Variants in STOX2 observed in about 807,000 individuals in gnomAD.
The protein encoded by STOX2 is storkhead-box protein 2.
In STOX2, 28 loss-of-function variants were observed where a neutral mutation model predicts 60.9. That is an observed-to-expected ratio of 0.46 (90% CI 0.34 to 0.63). The LOEUF (loss-of-function observed/expected upper bound fraction) is 0.63, where lower values mean the gene tolerates loss of function less well. Among genes scored for constraint, STOX2 ranks in the 30% least tolerant of loss-of-function variants. The pLI is 0.01. For missense variants in STOX2, 1,024 were observed against 1,187.7 expected (o/e 0.86, Z 2.03); for synonymous variants, 472 against 463.9 (o/e 1.02, Z -0.22).
chr4:183,820,395 T>C (rs1421039778), intron 1 of STOX2, among the ~76,000 whole-genome samples: 2 of 152,194 alleles, frequency 1.3e-5, no homozygotes, highest in African/African-American at 4.8e-5. Flanking sequence ...CTTCTCTCAT[T>C]GATGTCATTG....
At chr4:183,855,120 A>C (rs1213140554) in intron 1 of STOX2, among the ~76,000 whole-genome samples, 3 of 152,272 alleles carry the variant, frequency 2.0e-5, no homozygotes, top group African/African-American at 7.2e-5. Flanking sequence ...GGGAAGGTGC[A>C]AATAACAGAA....
chr4:183,955,902 GC>G (rs1242219451), intron 1 of STOX2, among the ~76,000 whole-genome samples: 1 of 152,130 alleles, frequency 6.6e-6, no homozygotes, highest in Admixed American at 6.5e-5. Context: ...CTTTTCTCTT[GC>G]GCCAGTTTCC....
chr4:183,839,018 C>CGT, intron 1 of STOX2, among the ~76,000 whole-genome samples: 1 of 150,712 alleles, frequency 6.6e-6, no homozygotes, highest in East Asian at 1.9e-4. Context: ...CGTGCACGCG[C>CGT]GCGCGCACAC....
intron 1 of STOX2, among the ~76,000 whole-genome samples, chr4:183,930,510 T>C (rs1478542838): frequency 1.3e-5 from 2 of 150,344 alleles, no homozygotes; most frequent in Non-Finnish European, 2.9e-5. Flanking sequence ...CCTTTTTTTT[T>C]TGTTTTTTGT....
At chr4:183,908,076 C>G (rs192793947) in intron 1 of STOX2, among the ~76,000 whole-genome samples, 160 of 152,316 alleles carry the variant, frequency 1.1e-3, no homozygotes, top group African/African-American at 3.2e-3. Context: ...TAACTGGGGT[C>G]AGCATCTCAT....
intron 1 of STOX2, among the ~76,000 whole-genome samples, chr4:183,959,303 CCA>C (rs538912885): frequency 6.6e-6 from 1 of 152,024 alleles, no homozygotes; most frequent in Non-Finnish European, 1.5e-5. Context: ...GGTATCAACG[CCA>C]GTTAGGAAGG....
intron 1 of STOX2, among the ~76,000 whole-genome samples, chr4:183,915,696 T>C (rs1221420314): frequency 6.6e-6 from 1 of 152,068 alleles, no homozygotes; most frequent in African/African-American, 2.4e-5. Context: ...GAGAATACCA[T>C]GTGACGAGAG....
intron 1 of STOX2, among the ~76,000 whole-genome samples, chr4:183,970,387 A>G (rs887512003): frequency 6.6e-6 from 1 of 152,150 alleles, no homozygotes; most frequent in African/African-American, 2.4e-5. Flanking sequence ...CTGGACAGTG[A>G]ACACTGTTTT....
chr4:183,967,918 G>A (rs1442720472), intron 1 of STOX2, among the ~76,000 whole-genome samples: 1 of 152,190 alleles, frequency 6.6e-6, no homozygotes, highest in African/African-American at 2.4e-5. Flanking sequence ...CAAAACTTAA[G>A]GAAAACCCAT....
At chr4:183,853,110 A>AT (rs1740199779) in intron 1 of STOX2, among the ~76,000 whole-genome samples, 1 of 152,228 alleles carries the variant, frequency 6.6e-6, no homozygotes, top group South Asian at 2.1e-4. Flanking sequence ...AGATTCCATA[A>AT]TTCAAGGTGA....
At chr4:183,915,975 C>T (rs974854695) in intron 1 of STOX2, among the ~76,000 whole-genome samples, 13 of 152,370 alleles carry the variant, frequency 8.5e-5, no homozygotes, top group African/African-American at 2.9e-4. Flanking sequence ...AGGCAGCGCC[C>T]GCATTCTCTG....
chr4:183,803,997 A>C (rs533541428), intron 1 of STOX2, among the ~76,000 whole-genome samples: 2 of 152,304 alleles, frequency 1.3e-5, no homozygotes, highest in Admixed American at 1.3e-4. Flanking sequence ...TAAAGAAATA[A>C]AAATTTCTAA....
intron 1 of STOX2, among the ~76,000 whole-genome samples, chr4:183,907,193 C>T (rs1741645206): frequency 6.6e-6 from 1 of 152,118 alleles, no homozygotes. Context: ...GGGGACGAGC[C>T]GGGCGTTTTG....
At position 183,886,864 on chromosome 4, in the gene STOX2, C is replaced by T. The variant is rs796760116; in HGVS notation, c.364+88809C>T. On this transcript the variant is annotated intron_variant, in intron 1 of 2. Coordinates refer to the STOX2 transcript ENST00000513034. ...CCTCCCACAGATGTGCATTCAATAC[C>T]TTCTACACACGAAGAATAATGCCAG... 9.2e-5 allele frequency among the ~76,000 whole-genome samples: 14 copies of T among 152,298 alleles called. 1 individual carries two copies. The highest frequency in any genetic ancestry group is 3.1e-4 in the African/African-American group (13 of 41,566).
chr4:183,840,053 CGTGTGTGT>C (rs138745638), intron 1 of STOX2, among the ~76,000 whole-genome samples: 25 of 150,426 alleles, frequency 1.7e-4, no homozygotes, highest in African/African-American at 5.6e-4. Context: ...TGTGTGTGCG[CGTGTGTGT>C]GTGTGTGTTG....
intron 1 of STOX2, among the ~76,000 whole-genome samples, chr4:183,939,855 G>A (rs1742702632): frequency 6.6e-6 from 1 of 152,178 alleles, no homozygotes; most frequent in Non-Finnish European, 1.5e-5. Context: ...TCTGACCAGT[G>A]TGATAGATAC....
intron 1 of STOX2, among the ~76,000 whole-genome samples, chr4:183,949,775 T>G (rs1029219005): frequency 6.6e-6 from 1 of 152,194 alleles, no homozygotes; most frequent in African/African-American, 2.4e-5. Flanking sequence ...ATTTTTATAT[T>G]TTTAGATCAT....
At chr4:183,921,701 A>G (rs1272052668) in intron 1 of STOX2, among the ~76,000 whole-genome samples, 1 of 152,272 alleles carries the variant, frequency 6.6e-6, no homozygotes, top group Admixed American at 6.5e-5. Context: ...TCTTTAGAAC[A>G]TTTAAGAACA....
intron 1 of STOX2, among the ~76,000 whole-genome samples, chr4:183,942,234 A>G (rs1742771058): frequency 2.0e-5 from 3 of 152,090 alleles, no homozygotes; most frequent in Admixed American, 1.3e-4. Flanking sequence ...TTGATCAACC[A>G]GCTTATTTCC....
Sources: gnomAD v4.1 joint callset for allele counts (sites outside exome capture counted in the v4.1 genomes callset) on GRCh38, gnomAD v4.1.1 for gene constraint, MANE v1.5 for transcripts, NCBI Gene and HGNC (gene_info 2026-07-23, HGNC 2026-07-21) for gene names.